Variants in KMT5B observed in about 807,000 individuals in gnomAD.
KMT5B encodes the protein lysine methyltransferase 5B.
Under a neutral mutation model 83.2 loss-of-function variants are expected in KMT5B, and 10 were observed. That is an observed-to-expected ratio of 0.12 (90% CI 0.07 to 0.20). The LOEUF (loss-of-function observed/expected upper bound fraction) is 0.20. KMT5B is among the 10% of genes least tolerant of loss of function. The pLI is 1.00. For synonymous variants in KMT5B, 349 were observed against 388.8 expected, an observed-to-expected ratio of 0.90 and a Z score of 1.20; for missense variants, 753 against 1,067.2, an observed-to-expected ratio of 0.71 and a Z score of 4.10.
chr11:68,166,518 G>T (rs1474276550), intron 10 of KMT5B: 1 of 1,003,962 alleles, frequency 1.0e-6, no homozygotes, highest in African/African-American at 1.7e-5. Context: ...TTTGAAAAAG[G>T]TCAGCAAGCA....
chr11:68,170,862 G>A (rs984093490), intron 9 of KMT5B, among the ~76,000 whole-genome samples, 153 bp downstream of exon 9: 2 of 152,104 alleles, frequency 1.3e-5, no homozygotes, highest in Non-Finnish European at 2.9e-5. Flanking sequence ...TGCAGCATTT[G>A]ACTTTGTTCA....
rs569939343 is a variant in KMT5B, at chr11:68,183,314, G to C, written c.308+2467C>G. Among the ~76,000 whole-genome samples the C allele has an allele frequency of 2.4e-3, 362 of 151,520 alleles. 2 individuals are homozygous for C. Among genetic ancestry groups the C allele is most frequent in the African/African-American group, 8.4e-3 (346 of 41,346 alleles). Reference sequence around the variant, plus strand: ...ATGAGCACTGGTCTCATGTTCAATGGGCAAAAAAAAAGAAAAGAAAAGAAA... The same window carrying C: ...ATGAGCACTGGTCTCATGTTCAATGCGCAAAAAAAAAGAAAAGAAAAGAAA... On this transcript the variant is annotated intron_variant, in intron 3 of 10. Transcript: ENST00000304363.
chr11:68,157,544 T>C lies in KMT5B; in HGVS notation c.*144A>G. 2 of 1,191,260 alleles carry C rather than the reference T, an allele frequency of 1.7e-6. No individual in the cohort carries two copies. Among genetic ancestry groups the C allele is most frequent in the East Asian group, 5.5e-5 (2 of 36,272 alleles). 73.8% of individuals were successfully genotyped at this position (1,191,260 alleles called of 1,614,324 possible). A position where few individuals can be genotyped will look rare whatever the true frequency, so the allele number is the denominator to read the frequency against. ...AAATCAGACTTAAGAATTGAGTCAGTATGCTGTACACTTTCTACAATAGTA... is the reference window on the plus strand; with the variant it reads ...AAATCAGACTTAAGAATTGAGTCAGCATGCTGTACACTTTCTACAATAGTA... On this transcript the variant is annotated 3_prime_UTR_variant, in exon 11 of 11. Coordinates refer to ENST00000304363, the MANE Select transcript of KMT5B (RefSeq NM_017635.5).
intron 9 of KMT5B, among the ~76,000 whole-genome samples, chr11:68,170,681 T>C (rs538625921): frequency 6.6e-6 from 1 of 152,338 alleles, no homozygotes; most frequent in East Asian, 1.9e-4. Context: ...ACTTGACATT[T>C]TGAGTAGCGG....
chr11:68,171,534 A>G lies in KMT5B; in HGVS notation c.820+9T>C. On this transcript the variant is annotated intron_variant, in intron 7 of 10. Coordinates refer to ENST00000304363, the MANE Select transcript of KMT5B (RefSeq NM_017635.5). The surrounding 1 kb of genome is among the most constrained non-coding windows in gnomAD (Gnocchi z 5.1). Reference sequence around the variant, plus strand: ...ACACTAGCGCCAACACCTTGGAAACACAGCTTACCATGGTTTATAAACGCA... The same window carrying G: ...ACACTAGCGCCAACACCTTGGAAACGCAGCTTACCATGGTTTATAAACGCA... 6.2e-7 allele frequency: 1 copy of G among 1,611,596 alleles called. No homozygotes were observed. The highest frequency in any genetic ancestry group is 8.5e-7 in the Non-Finnish European group (1 of 1,178,872).
intron 4 of KMT5B, among the ~76,000 whole-genome samples, chr11:68,175,876 C>T (rs190705721): frequency 4.0e-4 from 60 of 150,514 alleles, no homozygotes; most frequent in African/African-American, 1.5e-3. Context: ...GGTGAAATTG[C>T]TATACTGGTA....
chr11:68,212,308 AG>A (rs1173445776), intron 1 of KMT5B, among the ~76,000 whole-genome samples: 2 of 152,198 alleles, frequency 1.3e-5, no homozygotes, highest in Non-Finnish European at 2.9e-5. Context: ...CTCTATTCTA[AG>A]GAAAACTCCC....
intron 3 of KMT5B, among the ~76,000 whole-genome samples, chr11:68,184,768 A>G (rs1857272639): frequency 6.6e-6 from 1 of 152,248 alleles, no homozygotes; most frequent in South Asian, 2.1e-4. Flanking sequence ...GACAAAGCAA[A>G]GTTGCAAAGC....
intron 4 of KMT5B, among the ~76,000 whole-genome samples, chr11:68,177,192 T>C (rs779155784): frequency 1.4e-4 from 22 of 152,232 alleles, no homozygotes; most frequent in Non-Finnish European, 2.2e-4. Context: ...GACATATATA[T>C]GCATCAAACA....
intron 1 of KMT5B, among the ~76,000 whole-genome samples, chr11:68,198,433 GA>G (rs1171250789): frequency 7.1e-6 from 1 of 140,200 alleles, no homozygotes; most frequent in Non-Finnish European, 1.5e-5. Context: ...GAAAGGAAAG[GA>G]AAAAAGACAA....
At position 68,158,644 on chromosome 11, in the gene KMT5B, C is replaced by T. The variant is rs760334121; in HGVS notation, c.1702G>A (p.Val568Met). ...PNTLNGYKSS[V>M]TEPCPDSGEQ... ...CCACTGTCGGGGCAAGGTTCCGTCA[C>T]ACTGCTTTTATAGCCATTCAACGTA... The change falls in exon 11 of 11, where the codon GTG (valine) becomes ATG (methionine). Residue 568 changes from valine to methionine, a missense_variant. By Grantham distance (21) the Val-to-Met change is conservative (BLOSUM62 1). Transcript: ENST00000304363. 3 of 1,614,180 alleles carry T rather than the reference C, an allele frequency of 1.9e-6. No individual in the cohort carries two copies. Among genetic ancestry groups the T allele is most frequent in the East Asian group, 4.5e-5 (2 of 44,882 alleles).
intron 1 of KMT5B, among the ~76,000 whole-genome samples, chr11:68,210,843 T>A (rs150395380): frequency 6.6e-6 from 1 of 152,146 alleles, no homozygotes; most frequent in African/African-American, 2.4e-5. Flanking sequence ...AAGGCTGACA[T>A]AGTCGGGGAA....
At position 68,173,963 on chromosome 11, in the gene KMT5B, TAG is replaced by T. The variant is rs757262542; in HGVS notation, c.544-52_544-51del. On this transcript the variant is annotated intron_variant, in intron 5 of 10. Transcript: ENST00000304363. ...AATGACTTTAAATGGTATACCCTGC[TAG>T]ACTTTCTTACAATTATAAAAGCAAA... The T allele has an allele frequency of 6.5e-6, 8 of 1,238,660 alleles. No individual in the cohort carries two copies. In the Admixed American group the frequency reaches 1.2e-4, roughly 19 times the overall value. The allele number at this position is 1,238,660 out of a possible 1,614,324, so 76.7% of individuals were successfully genotyped here.
At chr11:68,207,110 C>T (rs941643150) in intron 1 of KMT5B, among the ~76,000 whole-genome samples, 2 of 151,490 alleles carry the variant, frequency 1.3e-5, no homozygotes, top group Admixed American at 6.6e-5. Context: ...GGCATGGTGG[C>T]GGCTGAGGCA....
At chr11:68,185,672 A>G (rs1460770686) in intron 3 of KMT5B, 109 bp downstream of exon 3, 1 of 1,147,754 alleles carries the variant, frequency 8.7e-7, no homozygotes, top group African/African-American at 1.6e-5. Context: ...ACTGCAAAGA[A>G]CTTTCCTTTA....
chr11:68,202,546 C>CTTTT (rs71040602), intron 1 of KMT5B, among the ~76,000 whole-genome samples: 15 of 121,952 alleles, frequency 1.2e-4, no homozygotes, highest in Non-Finnish European at 1.1e-4. Context: ...CTAAGACACA[C>CTTTT]TTTTTTTTTT....
intron 1 of KMT5B, among the ~76,000 whole-genome samples, chr11:68,195,078 G>A (rs1388076744): frequency 9.9e-5 from 15 of 152,188 alleles, no homozygotes; most frequent in Admixed American, 9.8e-4. Context: ...TCAGGAGGCT[G>A]AAGTGGGAGG....
At chr11:68,206,363 C>G (rs1860111364) in intron 1 of KMT5B, among the ~76,000 whole-genome samples, 2 of 152,192 alleles carry the variant, frequency 1.3e-5, no homozygotes, top group South Asian at 2.1e-4. Context: ...CAGTTTCTGT[C>G]AGAAGTTACA....
chr11:68,185,382 A>T (rs971230082), intron 3 of KMT5B, among the ~76,000 whole-genome samples: 1 of 151,942 alleles, frequency 6.6e-6, no homozygotes, highest in African/African-American at 2.4e-5. Context: ...TTTTTTTTGT[A>T]CTTTTAGTAG....
Sources: gnomAD v4.1 joint callset for allele counts (sites outside exome capture counted in the v4.1 genomes callset) on GRCh38, gnomAD v4.1.1 for gene constraint, Gnocchi (gnomAD v3.1) non-coding constraint, MANE v1.5 for transcripts, NCBI Gene and HGNC (gene_info 2026-07-23, HGNC 2026-07-21) for gene names.